GRIA3: variants seen among roughly 807,000 people sequenced by gnomAD.
The protein encoded by GRIA3 is glutamate ionotropic receptor AMPA type subunit 3, also known as glutamate receptor 3.
GRIA3 carries 3 observed loss-of-function variants against 63.0 expected under a neutral mutation model. The ratio of observed to expected loss-of-function variants is 0.05; its 90% confidence interval spans 0.02 to 0.12. The LOEUF is 0.12. Ranked by LOEUF, GRIA3 falls within the 10% of genes least tolerant of loss-of-function variation. GRIA3 has a pLI of 1.00. For synonymous variants in GRIA3, 274 were observed against 257.9 expected, an observed-to-expected ratio of 1.06 and a Z score of -0.60; for missense variants, 347 against 700.9, an observed-to-expected ratio of 0.50 and a Z score of 5.70.
chrX:123,296,040 A>T (rs1051412047), intron 3 of GRIA3, among the ~76,000 whole-genome samples: 1 of 111,534 alleles, frequency 9.0e-6, no homozygotes, highest in Non-Finnish European at 1.9e-5. Context: ...AAGTTTGAAG[A>T]ATTTTTTATT....
intron 12 of GRIA3, among the ~76,000 whole-genome samples, chrX:123,447,035 A>T (rs1429780334): frequency 1.8e-5 from 2 of 112,312 alleles, no homozygotes; most frequent in Non-Finnish European, 3.8e-5. Context: ...TTTCAAACCA[A>T]TGTCTGCTAA....
At chrX:123,233,210 C>G (rs965125852) in intron 2 of GRIA3, among the ~76,000 whole-genome samples, 7 of 111,532 alleles carry the variant, frequency 6.3e-5, no homozygotes, top group Non-Finnish European at 1.3e-4. Flanking sequence ...CCACAGTGTG[C>G]TCCTAACTAC....
chrX:123,399,799 T>C (rs1185443701), intron 7 of GRIA3, among the ~76,000 whole-genome samples: 1 of 111,832 alleles, frequency 8.9e-6, no homozygotes, highest in Non-Finnish European at 1.9e-5. Flanking sequence ...CTCTTATTGA[T>C]GCCTTAAATT....
At position 123,185,980 on chromosome X, in the gene GRIA3, G is replaced by A. The variant is rs983637798; in HGVS notation, c.258G>A (p.Val86=). Residue 86 remains valine, a synonymous_variant, in exon 2 of 16, where the codon GTG becomes GTA. Transcript: ENST00000620443. ...DHLDSSNSFS[V]TNAFCSQFSR... ...TGGATTCCTCCAATAGTTTTTCCGT[G>A]ACAAATGCTTGTAAGTAGATCTGCT... 2 of 1,205,904 alleles carry A rather than the reference G, an allele frequency of 1.7e-6. No homozygotes were observed. The highest frequency in any genetic ancestry group is 2.2e-6 in the Non-Finnish European group (2 of 891,058).
At chrX:123,272,607 C>T (rs1032544777) in intron 3 of GRIA3, among the ~76,000 whole-genome samples, 1 of 111,698 alleles carries the variant, frequency 9.0e-6, no homozygotes, top group East Asian at 2.8e-4. Context: ...AAAGACAGGA[C>T]AGGTGAAGCT....
At chrX:123,378,489 CA>C (rs1603122561) in intron 5 of GRIA3, among the ~76,000 whole-genome samples, 1 of 107,343 alleles carries the variant, frequency 9.3e-6, no homozygotes, top group Admixed American at 1.0e-4. Context: ...CAGCTCACTA[CA>C]ACCTCCGCCT....
At chrX:123,228,536 C>T (rs2044259849) in intron 2 of GRIA3, among the ~76,000 whole-genome samples, 1 of 110,897 alleles carries the variant, frequency 9.0e-6, no homozygotes, top group Non-Finnish European at 1.9e-5. Flanking sequence ...AGGGTAGAAG[C>T]ACTTAGCAGG....
intron 2 of GRIA3, among the ~76,000 whole-genome samples, chrX:123,228,592 T>A (rs2044260272): frequency 8.9e-6 from 1 of 111,800 alleles, no homozygotes; most frequent in Non-Finnish European, 1.9e-5. Flanking sequence ...AATAACACCA[T>A]TGAGTGTACT....
At chrX:123,477,449 TC>T (rs755015409) in intron 13 of GRIA3, among the ~76,000 whole-genome samples, 2 of 112,155 alleles carry the variant, frequency 1.8e-5, no homozygotes, top group Non-Finnish European at 3.8e-5. Context: ...CTCTTTGGTA[TC>T]TGGTATAATA....
At chrX:123,215,996 A>G (rs1928149581) in intron 2 of GRIA3, among the ~76,000 whole-genome samples, 1 of 111,405 alleles carries the variant, frequency 9.0e-6, no homozygotes, top group Non-Finnish European at 1.9e-5. Flanking sequence ...AGCTGAGCTG[A>G]CCTCTGCTCT....
intron 3 of GRIA3, among the ~76,000 whole-genome samples, chrX:123,280,366 G>A (rs1276171788): frequency 8.9e-6 from 1 of 111,955 alleles, no homozygotes; most frequent in East Asian, 2.8e-4. Flanking sequence ...TTTTTTTGTG[G>A]TGCTTTTGGG....
chrX:123,425,053 C>T (rs1476720313), intron 11 of GRIA3, among the ~76,000 whole-genome samples: 2 of 111,805 alleles, frequency 1.8e-5, no homozygotes, highest in Non-Finnish European at 3.8e-5. Flanking sequence ...ATAAAAATGA[C>T]AGTCACAGTT....
chrX:123,191,286 A>C lies in GRIA3; in HGVS notation c.268+5296A>C, dbSNP rs1409086087. Among the ~76,000 whole-genome samples the C allele has an allele frequency of 2.7e-5, 3 of 112,450 alleles. No individual in the cohort carries two copies. The East Asian group carries it at 8.4e-4, about 32-fold the overall frequency. On this transcript the variant is annotated intron_variant, in intron 2 of 15. Transcript: ENST00000620443. ...TTGTTACTTTGGGTCTTATTAGATA[A>C]AATATCCACAGGAGGGTGCAATTAA... is the stretch of plus-strand genomic sequence containing the variant.
intron 5 of GRIA3, 126 bp from the exon 6 acceptor site, chrX:123,394,842 G>C (rs1230076832): frequency 3.8e-6 from 2 of 519,758 alleles, no homozygotes; most frequent in Non-Finnish European, 6.9e-6. Context: ...CATATTCAAG[G>C]CTGTCTTGAT....
intron 2 of GRIA3, among the ~76,000 whole-genome samples, chrX:123,216,372 T>A (rs1928158839): frequency 1.8e-5 from 2 of 112,446 alleles, no homozygotes; most frequent in African/African-American, 6.5e-5. Flanking sequence ...ATGTGAGGTT[T>A]CAGCGATGCT....
intron 2 of GRIA3, among the ~76,000 whole-genome samples, chrX:123,195,624 C>A (rs750655874): frequency 3.0e-4 from 34 of 111,481 alleles, no homozygotes; most frequent in Non-Finnish European, 6.0e-4. Flanking sequence ...TTTCTTAAAC[C>A]ACTATGGGAC....
At chrX:123,185,296 C>A (rs1927232352) in intron 1 of GRIA3, among the ~76,000 whole-genome samples, 1 of 111,416 alleles carries the variant, frequency 9.0e-6, no homozygotes, top group Non-Finnish European at 1.9e-5. Context: ...GGCTCCTGGG[C>A]GCCTGGAGGG....
At chrX:123,422,501 TC>T (rs1301877201) in intron 11 of GRIA3, among the ~76,000 whole-genome samples, 1 of 111,405 alleles carries the variant, frequency 9.0e-6, no homozygotes, top group East Asian at 2.8e-4. Context: ...TCAACCTTTT[TC>T]CCCCTGAGTG....
At position 123,417,706 on chromosome X, in the gene GRIA3, A is replaced by C; in HGVS notation, c.1805A>C (p.Glu602Ala). 1 of 1,162,144 alleles carries C rather than the reference A, an allele frequency of 8.6e-7. No homozygotes were observed. Among genetic ancestry groups the C allele is most frequent in the Non-Finnish European group, 1.2e-6 (1 of 868,274 alleles). The change falls in exon 11 of 16, where the codon GAA becomes GCA. Residue 602 changes from glutamate to alanine, a missense_variant. Physicochemically the swap from Glu to Ala is moderately radical, Grantham distance 107 (BLOSUM62 -1). Around this residue, in one of 8 missense-constraint regions of GRIA3, gnomAD observed 19 missense variants for 30.9 expected, o/e 0.61. Coordinates refer to ENST00000620443, the MANE Select transcript of GRIA3 (RefSeq NM_007325.5). ...DPQSPPDPPN[E>A]FGIFNSLWFS... ...CAAAGTCCTCCTGATCCTCCAAATG[A>C]ATTTGGAATATTTAACAGTCTTTGG...
Sources: allele counts gnomAD v4.1 joint callset (sites outside exome capture counted in the v4.1 genomes callset), GRCh38; gene constraint gnomAD v4.1.1; regional missense constraint gnomAD v4.1.1; transcripts MANE v1.5; gene names NCBI Gene and HGNC (gene_info 2026-07-23, HGNC 2026-07-21).